The following PATJ variants were observed in gnomAD, a reference collection of about 807,000 sequenced individuals.
PATJ encodes the protein inaD-like protein.
PATJ carries 190 observed loss-of-function variants against 224.9 expected under a neutral mutation model. That is an observed-to-expected ratio of 0.84 (90% CI 0.75 to 0.95). The LOEUF (loss-of-function observed/expected upper bound fraction) is 0.95, where lower values mean the gene tolerates loss of function less well. Ranked by LOEUF, PATJ falls within the 40% of genes least tolerant of loss-of-function variation. PATJ has a pLI of 0.00. For missense variants in PATJ, 2,121 were observed against 2,270.3 expected, an observed-to-expected ratio of 0.93 and a Z score of 1.34; for synonymous variants, 769 against 820.3, an observed-to-expected ratio of 0.94 and a Z score of 1.07.
chr1:61,990,695 C>A lies in PATJ; in HGVS notation c.3867+331C>A, dbSNP rs1463112820. 6.6e-5 allele frequency among the ~76,000 whole-genome samples: 10 copies of A among 151,816 alleles called. 1 individual carries two copies. The highest frequency in any genetic ancestry group is 5.9e-4 in the Admixed American group (9 of 15,224). Reference sequence around the variant, plus strand: ...AATTTTGATAGTATTTATCAAAATTCTCTTTGGGTTTTAAATTAGTCATAC... The same window carrying A: ...AATTTTGATAGTATTTATCAAAATTATCTTTGGGTTTTAAATTAGTCATAC... On this transcript the variant is annotated intron_variant, in intron 28 of 43. Coordinates refer to ENST00000642238, the MANE Select transcript of PATJ (RefSeq NM_001350145.3).
At chr1:61,787,421 C>A (rs901870970) in intron 7 of PATJ, among the ~76,000 whole-genome samples, 13 of 152,230 alleles carry the variant, frequency 8.5e-5, no homozygotes, top group African/African-American at 3.1e-4. Context: ...TCTGACCTTT[C>A]CTTCTTGAGG....
intron 27 of PATJ, among the ~76,000 whole-genome samples, chr1:61,977,174 A>C (rs184575170): frequency 6.6e-6 from 1 of 151,750 alleles, no homozygotes; most frequent in Non-Finnish European, 1.5e-5. Context: ...TATATCCTCC[A>C]CCTCCCAGGC....
At chr1:61,992,977 T>C (rs1262386167) in intron 28 of PATJ, among the ~76,000 whole-genome samples, 1 of 152,228 alleles carries the variant, frequency 6.6e-6, no homozygotes, top group Non-Finnish European at 1.5e-5. Flanking sequence ...CAAGCAATTC[T>C]TCAGCTGACA....
chr1:62,030,622 A>G (rs1001629695), intron 29 of PATJ, among the ~76,000 whole-genome samples: 1 of 152,208 alleles, frequency 6.6e-6, no homozygotes, highest in Non-Finnish European at 1.5e-5. Flanking sequence ...ACACAAAACA[A>G]AAATATAGAC....
In PATJ at chr1:62,163,795, TA is replaced by T. The variant is rs1330671066; in HGVS notation, c.*2743del. On this transcript the variant is annotated 3_prime_UTR_variant, in exon 44 of 44. Transcript: ENST00000642238. Reference sequence around the variant, plus strand: ...CATCATTTGGGCCATTTCAGTATAGTAATGATATCACTAATCGGAATTAGCA... The same window carrying T: ...CATCATTTGGGCCATTTCAGTATAGTATGATATCACTAATCGGAATTAGCA... The T allele has an allele frequency of 6.6e-6, 1 of 152,202 alleles. No individual in the cohort carries two copies. Among genetic ancestry groups the T allele is most frequent in the Non-Finnish European group, 1.5e-5 (1 of 68,038 alleles). The allele number at this position is 152,202 out of a possible 1,614,324, so 9.4% of individuals were successfully genotyped here.
intron 33 of PATJ, among the ~76,000 whole-genome samples, chr1:62,092,460 CAG>C (rs898217798): frequency 1.3e-4 from 20 of 150,890 alleles, no homozygotes; most frequent in African/African-American, 4.6e-4. Context: ...CTGCGAATGT[CAG>C]AGTTGGAATT....
chr1:61,742,818 G>A (rs935391091), intron 1 of PATJ, among the ~76,000 whole-genome samples: 1 of 150,328 alleles, frequency 6.7e-6, no homozygotes, highest in Non-Finnish European at 1.5e-5. Flanking sequence ...CCGTCCTCCT[G>A]CGTCGGGCCC....
intron 32 of PATJ, among the ~76,000 whole-genome samples, chr1:62,083,419 C>T (rs760603008): frequency 6.6e-5 from 10 of 152,180 alleles, no homozygotes; most frequent in Non-Finnish European, 1.5e-4. Flanking sequence ...CGTGAACCAC[C>T]GTGCCCGGCT....
chr1:61,773,481 A>T (rs1220545607), intron 6 of PATJ, among the ~76,000 whole-genome samples: 1 of 151,572 alleles, frequency 6.6e-6, no homozygotes, highest in Non-Finnish European at 1.5e-5. Flanking sequence ...CAGCCTGGGG[A>T]ACATAGTCAA....
At chr1:61,987,486 A>G (rs2149530551) in intron 27 of PATJ, among the ~76,000 whole-genome samples, 1 of 152,174 alleles carries the variant, frequency 6.6e-6, no homozygotes, top group African/African-American at 2.4e-5. Context: ...CTGCGATATC[A>G]TTTCTTAACC....
At chr1:61,760,461 T>C (rs924774849) in intron 1 of PATJ, among the ~76,000 whole-genome samples, 1 of 152,184 alleles carries the variant, frequency 6.6e-6, no homozygotes, top group South Asian at 2.1e-4. Flanking sequence ...TCACTGAAAA[T>C]GTCTCATTTT....
intron 41 of PATJ, among the ~76,000 whole-genome samples, chr1:62,146,446 A>G (rs1668046284): frequency 6.6e-6 from 1 of 152,158 alleles, no homozygotes; most frequent in Non-Finnish European, 1.5e-5. Context: ...AAGCGAGAAG[A>G]CCAGTGAGAA....
chr1:62,046,994 T>G (rs925350902), intron 30 of PATJ, among the ~76,000 whole-genome samples: 7 of 152,246 alleles, frequency 4.6e-5, no homozygotes, highest in African/African-American at 1.7e-4. Context: ...TACTTTAGTA[T>G]TCATTTTATA....
At position 61,833,727 on chromosome 1, in the gene PATJ, A is replaced by C; in HGVS notation, c.2054A>C (p.Lys685Thr). Residue 685 changes from lysine to threonine, a missense_variant, in exon 17 of 44, where the codon AAG (lysine) becomes ACG (threonine). By Grantham distance (78) the Lys-to-Thr change is moderately conservative (BLOSUM62 -1). Coordinates refer to ENST00000642238, the MANE Select transcript of PATJ (RefSeq NM_001350145.3). Reference sequence around the variant, plus strand: ...TTAGCACTGTGGTCCCCTGAAGTCAAGATTGTTGAACTAGTAAAAGATTGT... The same window carrying C: ...TTAGCACTGTGGTCCCCTGAAGTCACGATTGTTGAACTAGTAAAAGATTGT... ...GELALWSPEV[K>T]IVELVKDCKG... 1 of 1,613,744 alleles carries C rather than the reference A, an allele frequency of 6.2e-7. No homozygotes were observed. The highest frequency in any genetic ancestry group is 2.2e-5 in the East Asian group (1 of 44,860).
chr1:61,981,994 T>C (rs1417010706), intron 27 of PATJ, among the ~76,000 whole-genome samples: 1 of 152,038 alleles, frequency 6.6e-6, no homozygotes, highest in African/African-American at 2.4e-5. Context: ...TGCATCTCTG[T>C]ATGCTATTCC....
At chr1:62,117,281 A>G (rs765349932) in intron 37 of PATJ, 63 bp downstream of exon 37, 1 of 1,607,212 alleles carries the variant, frequency 6.2e-7, no homozygotes, top group East Asian at 2.2e-5. Context: ...AAAGTTCCCC[A>G]TTTAATAAAT....
At chr1:61,759,514 AT>A (rs1441323482) in intron 1 of PATJ, among the ~76,000 whole-genome samples, 9 of 150,036 alleles carry the variant, frequency 6.0e-5, no homozygotes, top group Admixed American at 1.3e-4. Context: ...CGTTCAAGTG[AT>A]TCTCTTGCCT....
In PATJ at chr1:61,774,006, G is replaced by C. The variant is rs947518118; in HGVS notation, c.721-1200G>C. On this transcript the variant is annotated intron_variant, in intron 6 of 43. Transcript: ENST00000642238. ...GTGGTGGCAGGTACCTGTAGTCCCAGCTACTCGGGAGGCTGAGGCAGGAGA... is the reference window on the plus strand; with the variant it reads ...GTGGTGGCAGGTACCTGTAGTCCCACCTACTCGGGAGGCTGAGGCAGGAGA... Among the ~76,000 whole-genome samples the C allele has an allele frequency of 3.3e-5, 5 of 151,016 alleles. No homozygotes were observed. The East Asian group carries it at 9.8e-4, about 30-fold the overall frequency.
chr1:61,784,573 T>C (rs1249850668), intron 7 of PATJ, among the ~76,000 whole-genome samples: 1 of 152,224 alleles, frequency 6.6e-6, no homozygotes, highest in Non-Finnish European at 1.5e-5. Flanking sequence ...AGAAAAATAA[T>C]GCCTAGGAAG....
Sources: gnomAD v4.1 joint callset for allele counts (sites outside exome capture counted in the v4.1 genomes callset) on GRCh38, gnomAD v4.1.1 for gene constraint, MANE v1.5 for transcripts, NCBI Gene and HGNC (gene_info 2026-07-23, HGNC 2026-07-21) for gene names.